Variants in CRACD observed in about 807,000 individuals in gnomAD.
CRACD encodes capping protein-inhibiting regulator of actin dynamics.
In CRACD, 56 loss-of-function variants were observed where a neutral mutation model predicts 106.8. The observed-to-expected ratio is 0.52, with a 90% confidence interval of 0.42 to 0.66. The LOEUF is 0.66. Among genes scored for constraint, CRACD ranks in the 30% least tolerant of loss-of-function variants. CRACD has a pLI of 0.00. For synonymous variants in CRACD, 754 were observed against 670.8 expected (o/e 1.12, Z -1.92); for missense variants, 1,730 against 1,623.2 (o/e 1.07, Z -1.13).
chr4:56,243,097 A>T (rs554803739), intron 2 of CRACD, among the ~76,000 whole-genome samples: 1 of 152,330 alleles, frequency 6.6e-6, no homozygotes, highest in African/African-American at 2.4e-5. Context: ...AAGAACATGG[A>T]TGACTGGGTA....
At chr4:56,051,252 A>G (rs1484785427) in intron 1 of CRACD, among the ~76,000 whole-genome samples, 6 of 152,262 alleles carry the variant, frequency 3.9e-5, no homozygotes, top group Non-Finnish European at 8.8e-5. Flanking sequence ...TACAGATGGA[A>G]TTTGTTTACT....
intron 2 of CRACD, among the ~76,000 whole-genome samples, chr4:56,236,626 A>AC (rs1351160599): frequency 8.5e-5 from 13 of 152,140 alleles, no homozygotes; most frequent in African/African-American, 2.9e-4. Flanking sequence ...TGGCTCAATG[A>AC]CATGAGAAAA....
rs926302495 is a variant in CRACD, at chr4:56,324,212, C to G, written c.3487C>G (p.Leu1163Val). ...EKRPETAVSR[L>V]ERREQLKKAN... ...GAGGCCCGAGACTGCAGTGTCCAGGCTTGAGCGCAGAGAACAGCTGAAAAA... is the reference window on the plus strand; with the variant it reads ...GAGGCCCGAGACTGCAGTGTCCAGGGTTGAGCGCAGAGAACAGCTGAAAAA... The change falls in exon 10 of 11, where the codon CTT (leucine) becomes GTT (valine). Residue 1163 changes from leucine (L) to valine (V), a missense_variant. By Grantham distance (32) the Leu-to-Val change is conservative. This residue lies in a region of CRACD where 89 missense variants were observed against 89.6 expected (regional missense o/e 0.99). Coordinates refer to ENST00000682029, the MANE Select transcript of CRACD (RefSeq NM_001393381.1). 2 of 1,614,216 alleles carry G rather than the reference C, an allele frequency of 1.2e-6. No homozygotes were observed. Among genetic ancestry groups the G allele is most frequent in the Non-Finnish European group, 1.7e-6 (2 of 1,180,018 alleles).
Position 56,105,949 on chromosome 4 carries a change from C to G in CRACD, c.-336+56650C>G, listed in dbSNP as rs1445607700. On this transcript the variant is annotated intron_variant, in intron 1 of 10. Transcript: ENST00000682029. ...TAGATTTTTTTTTTTTTTTTAGTTTCTCTAAGTAATCCCTTTTGTGACCTT... is the reference window on the plus strand; with the variant it reads ...TAGATTTTTTTTTTTTTTTTAGTTTGTCTAAGTAATCCCTTTTGTGACCTT... Among the ~76,000 whole-genome samples the G allele has an allele frequency of 2.1e-5, 3 of 144,966 alleles. No individual in the cohort carries two copies. The South Asian group carries it at 6.5e-4, about 31-fold the overall frequency.
intron 1 of CRACD, among the ~76,000 whole-genome samples, chr4:56,157,264 T>C (rs1347847474): frequency 6.6e-6 from 1 of 152,100 alleles, no homozygotes; most frequent in Non-Finnish European, 1.5e-5. Context: ...GGCCAGGAGT[T>C]CTAGACCAGC....
intron 1 of CRACD, among the ~76,000 whole-genome samples, chr4:56,066,005 CAT>C (rs2109790913): frequency 6.6e-6 from 1 of 152,294 alleles, no homozygotes; most frequent in South Asian, 2.1e-4. Flanking sequence ...CACGTGGTAG[CAT>C]CTATCAGAAC....
intron 4 of CRACD, among the ~76,000 whole-genome samples, chr4:56,298,725 G>A (rs570825775): frequency 1.3e-5 from 2 of 152,184 alleles, no homozygotes; most frequent in Non-Finnish European, 2.9e-5. Flanking sequence ...TTGAGGCCAG[G>A]AATTCAAAAG....
chr4:56,316,323 A>G lies in CRACD; in HGVS notation c.2821A>G (p.Ser941Gly). The G allele has an allele frequency of 1.2e-6, 2 of 1,614,030 alleles. No homozygotes were observed. The highest frequency in any genetic ancestry group is 3.3e-4 in the Middle Eastern group (2 of 6,060). The change falls in exon 8 of 11, where the codon AGC becomes GGC. Residue 941 changes from serine to glycine, a missense_variant. Around this residue, in one of 5 missense-constraint regions of CRACD, gnomAD observed 1,620 missense variants for 1,481.6 expected, o/e 1.09. Coordinates refer to ENST00000682029, the MANE Select transcript of CRACD (RefSeq NM_001393381.1). The stretch of plus-strand genomic sequence containing the variant: ...CCACCCTGGGCCTCCACCGGCCAGC[A>G]GCCAGACCCCGGCTCCGGAGCACGA... ...VAHPGPPPAS[S>G]QTPAPEHDKA...
chr4:56,196,661 C>G (rs79860021), intron 2 of CRACD, among the ~76,000 whole-genome samples: 184 of 152,298 alleles, frequency 1.2e-3, no homozygotes, highest in Admixed American at 4.3e-3. Context: ...TCTTGCTCAA[C>G]ATCTAGTGAC....
At chr4:56,064,103 G>T (rs1207143447) in intron 1 of CRACD, among the ~76,000 whole-genome samples, 3 of 152,184 alleles carry the variant, frequency 2.0e-5, no homozygotes, top group Admixed American at 2.0e-4. Flanking sequence ...GACTAATGAT[G>T]TTGGCATATT....
intron 1 of CRACD, among the ~76,000 whole-genome samples, chr4:56,053,015 G>T (rs1009841305): frequency 2.6e-5 from 4 of 152,178 alleles, no homozygotes; most frequent in African/African-American, 9.7e-5. Context: ...GGTCTTTGAT[G>T]TAAATATTTT....
chr4:56,294,311 A>G (rs1403216577), intron 3 of CRACD, among the ~76,000 whole-genome samples: 4 of 152,208 alleles, frequency 2.6e-5, no homozygotes, highest in Non-Finnish European at 5.9e-5. Context: ...ATATATAAAA[A>G]TAAGTTACAT....
intron 3 of CRACD, among the ~76,000 whole-genome samples, chr4:56,273,849 A>T (rs1455528004): frequency 1.3e-5 from 2 of 152,228 alleles, no homozygotes; most frequent in African/African-American, 4.8e-5. Context: ...AGCGGAAGGA[A>T]TAGATGGTAT....
chr4:56,098,299 C>G (rs1247252681), intron 1 of CRACD, among the ~76,000 whole-genome samples: 3 of 152,146 alleles, frequency 2.0e-5, no homozygotes, highest in Non-Finnish European at 4.4e-5. Flanking sequence ...CTGGTATGGA[C>G]AGGTTGAAAA....
At chr4:56,095,087 C>T (rs1045410064) in intron 1 of CRACD, among the ~76,000 whole-genome samples, 3 of 152,110 alleles carry the variant, frequency 2.0e-5, no homozygotes, top group African/African-American at 2.4e-5. Flanking sequence ...GCTGGGTGCT[C>T]GCGCCTGTAA....
chr4:56,140,662 A>G (rs1735163025), intron 1 of CRACD, among the ~76,000 whole-genome samples: 1 of 152,174 alleles, frequency 6.6e-6, no homozygotes. Flanking sequence ...TGAAAGACAA[A>G]CAAAAAACAA....
chr4:56,294,687 G>C (rs1483254238), intron 3 of CRACD, among the ~76,000 whole-genome samples: 1 of 152,112 alleles, frequency 6.6e-6, no homozygotes, highest in Non-Finnish European at 1.5e-5. Flanking sequence ...GCCAAGGTGG[G>C]CTGATCACTT....
chr4:56,299,575 T>C (rs1262693253), intron 4 of CRACD, among the ~76,000 whole-genome samples: 1 of 148,332 alleles, frequency 6.7e-6, no homozygotes, highest in Non-Finnish European at 1.5e-5. Context: ...GAGGCTGAGG[T>C]GGGAGGATGG....
At chr4:56,284,983 A>G (rs1743253840) in intron 3 of CRACD, among the ~76,000 whole-genome samples, 1 of 152,222 alleles carries the variant, frequency 6.6e-6, no homozygotes, top group African/African-American at 2.4e-5. Flanking sequence ...TAATTTATAA[A>G]GAAAAGAGGT....
Sources: gnomAD v4.1 joint callset for allele counts (sites outside exome capture counted in the v4.1 genomes callset) on GRCh38, gnomAD v4.1.1 for gene constraint, gnomAD v4.1.1 regional missense constraint, MANE v1.5 for transcripts, NCBI Gene and HGNC (gene_info 2026-07-23, HGNC 2026-07-21) for gene names.